Variants in NRIP1 observed in about 807,000 individuals in gnomAD.
NRIP1 encodes the protein nuclear receptor interacting protein 1, also known as nuclear receptor-interacting protein 1.
A neutral mutation model predicts 75.0 loss-of-function variants in NRIP1; 28 were observed. That is an observed-to-expected ratio of 0.37 (90% CI 0.28 to 0.51). NRIP1 has a LOEUF of 0.51. NRIP1 is among the 20% of genes least tolerant of loss of function. The probability of loss-of-function intolerance (pLI) is 0.92; values close to 1 mark genes in which losing one functional copy is unlikely to be tolerated. For missense variants in NRIP1, 1,435 were observed against 1,343.7 expected, an observed-to-expected ratio of 1.07 and a Z score of -1.06; for synonymous variants, 526 against 487.6, an observed-to-expected ratio of 1.08 and a Z score of -1.04.
chr21:15,037,762 T>C (rs545936157), intron 2 of NRIP1, among the ~76,000 whole-genome samples: 1 of 152,274 alleles, frequency 6.6e-6, no homozygotes, highest in South Asian at 2.1e-4. Context: ...TATTTGATCA[T>C]GAGATATGCA....
rs544628331 is a variant in NRIP1 at position 14,996,942 on chromosome 21, A to G, written c.-335+17402T>C. Among the ~76,000 whole-genome samples the G allele has an allele frequency of 2.0e-5, 3 of 152,178 alleles. No individual in the cohort carries two copies. In the East Asian group the frequency reaches 5.8e-4, roughly 29 times the overall value. On this transcript the variant is annotated intron_variant, in intron 3 of 3. Transcript: ENST00000318948. ...AAGACACTTGTATAAAGATAAATAAATCACTTTATTAAAAATTATAAGTAC... is the reference window on the plus strand; with the variant it reads ...AAGACACTTGTATAAAGATAAATAAGTCACTTTATTAAAAATTATAAGTAC...
intron 3 of NRIP1, among the ~76,000 whole-genome samples, chr21:14,980,054 T>A (rs1261123798): frequency 6.6e-6 from 1 of 152,218 alleles, no homozygotes; most frequent in Non-Finnish European, 1.5e-5. Flanking sequence ...ACTTAACTTG[T>A]AAGTCACTGC....
chr21:15,064,429 CCCGGCCCCCCGAGT>C (rs1268138336), intron 1 of NRIP1, among the ~76,000 whole-genome samples: 2 of 152,082 alleles, frequency 1.3e-5, no homozygotes, highest in African/African-American at 2.4e-5. Context: ...GCAACCCCGA[CCCGGCCCCCCGAGT>C]CCGGCCCCGC....
At chr21:14,996,964 G>C (rs1224444264) in intron 3 of NRIP1, among the ~76,000 whole-genome samples, 1 of 151,880 alleles carries the variant, frequency 6.6e-6, no homozygotes, top group Non-Finnish European at 1.5e-5. Context: ...AAAATTATAA[G>C]TACTATCCAG....
At chr21:14,998,832 C>T (rs1444774974) in intron 3 of NRIP1, among the ~76,000 whole-genome samples, 1 of 152,122 alleles carries the variant, frequency 6.6e-6, no homozygotes, top group African/African-American at 2.4e-5. Flanking sequence ...TGTCAATCAA[C>T]TGTTTTAATG....
chr21:15,006,749 A>C (rs1350248252), intron 3 of NRIP1, among the ~76,000 whole-genome samples: 4 of 152,234 alleles, frequency 2.6e-5, no homozygotes, highest in Non-Finnish European at 5.9e-5. Flanking sequence ...GGACAGGAAA[A>C]GGACAGAGTA....
intron 3 of NRIP1, among the ~76,000 whole-genome samples, chr21:14,980,440 C>A (rs905472944): frequency 6.6e-6 from 1 of 151,822 alleles, no homozygotes; most frequent in Non-Finnish European, 1.5e-5. Flanking sequence ...CACTATTGCA[C>A]TCCAGCTGGG....
chr21:15,064,571 A>G (rs1331654035), intron 1 of NRIP1, among the ~76,000 whole-genome samples, 174 bp downstream of exon 1: 1 of 149,894 alleles, frequency 6.7e-6, no homozygotes, highest in Admixed American at 6.6e-5. Context: ...GAACCCGGAG[A>G]CTCGAACCAG....
intron 2 of NRIP1, among the ~76,000 whole-genome samples, chr21:15,036,867 A>G (rs563398641): frequency 6.6e-6 from 1 of 152,300 alleles, no homozygotes; most frequent in African/African-American, 2.4e-5. Flanking sequence ...ATGTGAATTA[A>G]ATATGAAAAA....
At chr21:15,007,223 G>A (rs981909165) in intron 3 of NRIP1, among the ~76,000 whole-genome samples, 1 of 152,186 alleles carries the variant, frequency 6.6e-6, no homozygotes, top group Non-Finnish European at 1.5e-5. Context: ...CAGAAGCTAT[G>A]GGAGTTGTTG....
In NRIP1 at chr21:14,965,523, C is replaced by G; in HGVS notation, c.2670G>C (p.Leu890=). Residue 890 remains leucine (L), a synonymous_variant, in exon 4 of 4, where the codon CTG becomes CTC. Coordinates refer to ENST00000318948, the MANE Select transcript of NRIP1 (RefSeq NM_003489.4). The part of the protein sequence containing the change: ...AANNHSAPEV[L]YGSLLNQEEL... ...CTTCCTGGTTAAGCAAGGACCCATA[C>G]AGTACTTCTGGGGCACTGTGATTGT... is the stretch of plus-strand genomic sequence containing the variant. 6.2e-7 allele frequency: 1 copy of G among 1,614,068 alleles called. No homozygotes were observed. The highest frequency in any genetic ancestry group is 8.5e-7 in the Non-Finnish European group (1 of 1,179,960).
intron 3 of NRIP1, among the ~76,000 whole-genome samples, chr21:15,013,926 G>A (rs544812878): frequency 6.6e-6 from 1 of 152,272 alleles, no homozygotes; most frequent in East Asian, 1.9e-4. Context: ...ATCAGGGATT[G>A]CTATTGTAGG....
intron 3 of NRIP1, among the ~76,000 whole-genome samples, chr21:14,985,540 C>G (rs375757496): frequency 5.3e-5 from 8 of 152,102 alleles, no homozygotes; most frequent in Non-Finnish European, 7.4e-5. Flanking sequence ...CCTCGGCCCC[C>G]CAAAGTGCTG....
At chr21:15,028,437 T>C (rs1281826695) in intron 2 of NRIP1, among the ~76,000 whole-genome samples, 2 of 152,194 alleles carry the variant, frequency 1.3e-5, no homozygotes, top group African/African-American at 4.8e-5. Flanking sequence ...ACATTTCCTT[T>C]AGAAGGATCA....
chr21:15,026,231 A>G (rs1432899749), intron 2 of NRIP1, among the ~76,000 whole-genome samples: 1 of 152,216 alleles, frequency 6.6e-6, no homozygotes, highest in African/African-American at 2.4e-5. Flanking sequence ...TGGGCATAGG[A>G]CATAATAAGA....
intron 3 of NRIP1, among the ~76,000 whole-genome samples, chr21:14,989,703 GA>G (rs2087515562): frequency 6.6e-6 from 1 of 152,078 alleles, no homozygotes; most frequent in South Asian, 2.1e-4. Context: ...ATTAAAAGTA[GA>G]CAAATCTTTA....
At chr21:15,006,053 G>A (rs1183930623) in intron 3 of NRIP1, among the ~76,000 whole-genome samples, 1 of 151,928 alleles carries the variant, frequency 6.6e-6, no homozygotes, top group Non-Finnish European at 1.5e-5. Context: ...GTTTTAGTTG[G>A]TTAAGTCACA....
chr21:15,050,640 C>T (rs2089180947), intron 1 of NRIP1: 1 of 423,614 alleles, frequency 2.4e-6, no homozygotes, highest in African/African-American at 2.0e-5. Flanking sequence ...CTCACGTGAC[C>T]ACAGTAAATC....
intron 3 of NRIP1, among the ~76,000 whole-genome samples, chr21:15,011,431 C>T (rs1268716933): frequency 1.3e-5 from 2 of 152,200 alleles, no homozygotes; most frequent in South Asian, 2.1e-4. Flanking sequence ...CCTCGTGATC[C>T]GCCCGCCTCG....
Sources: gnomAD v4.1 joint callset for allele counts (sites outside exome capture counted in the v4.1 genomes callset) on GRCh38, gnomAD v4.1.1 for gene constraint, MANE v1.5 for transcripts, NCBI Gene and HGNC (gene_info 2026-07-23, HGNC 2026-07-21) for gene names.